REV3L: variants seen among roughly 807,000 people sequenced by gnomAD.
REV3L encodes the protein REV3 like, DNA directed polymerase zeta catalytic subunit, also known as DNA polymerase zeta catalytic subunit.
Under a neutral mutation model 299.4 loss-of-function variants are expected in REV3L, and 69 were observed. The ratio of observed to expected loss-of-function variants is 0.23; its 90% CI spans 0.19 to 0.28. The LOEUF (loss-of-function observed/expected upper bound fraction) is 0.28. Ranked by LOEUF, REV3L falls within the 10% of genes least tolerant of loss-of-function variation. REV3L has a pLI of 1.00. For synonymous variants in REV3L, 1,238 were observed against 1,271.4 expected (o/e 0.97, Z 0.56); for missense variants, 3,128 against 3,693.8 (o/e 0.85, Z 3.97).
chr6:111,368,061 T>C, intron 13 of REV3L, 33 bp from the exon 14 acceptor site: 1 of 1,523,892 alleles, frequency 6.6e-7, no homozygotes, highest in Non-Finnish European at 8.8e-7. Flanking sequence ...AACTGTTTTG[T>C]TTCAAAGAGC....
intron 24 of REV3L, among the ~76,000 whole-genome samples, chr6:111,330,055 A>C (rs1249841122): frequency 6.6e-6 from 1 of 152,204 alleles, no homozygotes; most frequent in African/African-American, 2.4e-5. Context: ...ATTTTGTTCG[A>C]AACTTTGACA....
At chr6:111,474,215 G>T (rs935934681) in intron 1 of REV3L, among the ~76,000 whole-genome samples, 5 of 152,114 alleles carry the variant, frequency 3.3e-5, no homozygotes, top group Admixed American at 1.3e-4. Flanking sequence ...CTTTATTTCT[G>T]ACAAACATAC....
chr6:111,396,803 T>G (rs1414363058), intron 4 of REV3L, among the ~76,000 whole-genome samples: 1 of 152,130 alleles, frequency 6.6e-6, no homozygotes, highest in East Asian at 1.9e-4. Context: ...ATGCTAGGAT[T>G]GCAGGTGTGA....
At chr6:111,408,136 A>T (rs1403308168) in intron 3 of REV3L, among the ~76,000 whole-genome samples, 1 of 152,208 alleles carries the variant, frequency 6.6e-6, no homozygotes, top group Non-Finnish European at 1.5e-5. Context: ...CCTTGAAAAC[A>T]TCAAAGAAGA....
intron 1 of REV3L, among the ~76,000 whole-genome samples, chr6:111,477,699 A>G (rs1793103951): frequency 6.6e-6 from 1 of 152,244 alleles, no homozygotes; most frequent in Non-Finnish European, 1.5e-5. Context: ...ATGCCACCAT[A>G]TAAGACACAG....
chr6:111,367,791 A>G lies in REV3L; in HGVS notation c.5997T>C (p.Cys1999=). The change falls in exon 14 of 32, where the codon TGT becomes TGC. Residue 1999 remains cysteine (C), a synonymous_variant. Coordinates refer to ENST00000368802, the MANE Select transcript of REV3L (RefSeq NM_001372078.1). ...DKKIVIMPCK[C]APSRQLVQVW... ...CTTGAACCAGTTGTCGACTTGGGGCACATTTGCAAGGCATAATCACAATTT... is the reference window on the plus strand; with the variant it reads ...CTTGAACCAGTTGTCGACTTGGGGCGCATTTGCAAGGCATAATCACAATTT... 1 of 1,614,182 alleles carries G rather than the reference A, an allele frequency of 6.2e-7. No individual in the cohort carries two copies. Among genetic ancestry groups the G allele is most frequent in the South Asian group, 1.1e-5 (1 of 91,086 alleles).
chr6:111,476,077 T>C (rs1006841232), intron 1 of REV3L, among the ~76,000 whole-genome samples: 1 of 152,226 alleles, frequency 6.6e-6, no homozygotes, highest in Non-Finnish European at 1.5e-5. Flanking sequence ...TATTTGCACA[T>C]ACATGAGATA....
chr6:111,321,531 A>C (rs955684890), intron 26 of REV3L, among the ~76,000 whole-genome samples: 1 of 152,230 alleles, frequency 6.6e-6, no homozygotes, highest in African/African-American at 2.4e-5. Context: ...AGCCAAACTA[A>C]GAAGTGGCTT....
At chr6:111,395,800 A>G (rs1782439048) in intron 4 of REV3L, among the ~76,000 whole-genome samples, 1 of 152,166 alleles carries the variant, frequency 6.6e-6, no homozygotes, top group African/African-American at 2.4e-5. Flanking sequence ...GCTTTTCCCC[A>G]TTCAGTAAGA....
At position 111,376,129 on chromosome 6, in the gene REV3L, T is replaced by G. The variant is rs1223589881; in HGVS notation, c.2226A>C (p.Glu742Asp). The G allele has an allele frequency of 6.2e-7, 1 of 1,613,112 alleles. No homozygotes were observed. Among genetic ancestry groups the G allele is most frequent in the Non-Finnish European group, 8.5e-7 (1 of 1,179,936 alleles). Residue 742 changes from glutamate (E) to aspartate (D), a missense_variant, in exon 13 of 32, where the codon GAA (glutamate) becomes GAC (aspartate). By Grantham distance (45) the Glu-to-Asp change is conservative (BLOSUM62 2). This residue lies in a region of REV3L where 2,409 missense variants were observed against 2,611.8 expected (regional missense o/e 0.92). Transcript: ENST00000368802. ...LSSLFPSSFT[E>D]NCELLSCSGE... is the part of the protein sequence containing the mutation. ...CTGAGCATGACAGTAATTCACAATT[T>G]TCAGTAAATGATGAAGGGAATAAAC... is the stretch of plus-strand genomic sequence containing the variant.
In REV3L at chr6:111,308,297, A is replaced by G. The variant is rs375280137; in HGVS notation, c.9043-727T>C. On this transcript the variant is annotated intron_variant, in intron 30 of 31. Transcript: ENST00000368802. ...CTCTTACAAATGTCATTGGGTTAAC[A>G]TTCTTGCCGATGATGAAATGAACAT... 3 of 452,096 alleles carry G rather than the reference A, an allele frequency of 6.6e-6. No homozygotes were observed. In the East Asian group the frequency reaches 2.1e-4, roughly 32 times the overall value. 28.0% of individuals were successfully genotyped at this position (452,096 alleles called of 1,614,324 possible). A position where few individuals can be genotyped will look rare whatever the true frequency, so the allele number is the denominator to read the frequency against.
upstream of REV3L, chr6:111,483,333 G>A (rs994906012): frequency 2.1e-6 from 1 of 479,086 alleles, no homozygotes. Context: ...GCGCCCGGGC[G>A]GGACACGGAG....
chr6:111,329,477 G>A (rs866678960), intron 25 of REV3L, 55 bp downstream of exon 25: 26 of 1,527,526 alleles, frequency 1.7e-5, no homozygotes, highest in Middle Eastern at 3.4e-4. Flanking sequence ...GAGTGCCACC[G>A]TGCCTCACTG....
At chr6:111,416,508 A>G in intron 1 of REV3L, 36 bp from the exon 2 acceptor site, 1 of 1,482,202 alleles carries the variant, frequency 6.7e-7, no homozygotes, top group South Asian at 1.2e-5. Context: ...TAGTTTCCAG[A>G]CACAGTTTAA....
rs148159662 is a variant in REV3L, at chr6:111,373,713, G to C, written c.4642C>G (p.Gln1548Glu). 3.1e-6 allele frequency: 5 copies of C among 1,613,908 alleles called. No individual in the cohort carries two copies. The East Asian group carries it at 1.1e-4, about 36-fold the overall frequency. The change falls in exon 13 of 32, where the codon CAA becomes GAA. Residue 1548 changes from glutamine to glutamate, a missense_variant. Coordinates refer to ENST00000368802, the MANE Select transcript of REV3L (RefSeq NM_001372078.1). ...QQKAQNANTT[Q>E]DPLSNKHQPN... ...TGATGTTTATTGGATAATGGGTCTT[G>C]TGTAGTATTTGCATTTTGTGCTTTC...
chr6:111,414,917 T>A (rs1479951499), intron 2 of REV3L, among the ~76,000 whole-genome samples: 4 of 152,176 alleles, frequency 2.6e-5, no homozygotes, highest in African/African-American at 7.2e-5. Flanking sequence ...TAATTTTAAT[T>A]CCTTGGTCTT....
At chr6:111,327,549 G>A (rs943589862) in intron 25 of REV3L, among the ~76,000 whole-genome samples, 6 of 127,896 alleles carry the variant, frequency 4.7e-5, no homozygotes, top group African/African-American at 1.3e-4. Flanking sequence ...GCAAGACGCT[G>A]TTTCAAAAAA....
intron 31 of REV3L, among the ~76,000 whole-genome samples, chr6:111,301,041 A>G (rs1471901862): frequency 8.5e-5 from 13 of 152,198 alleles, no homozygotes; most frequent in Admixed American, 8.5e-4. Flanking sequence ...AGCAAGGAAT[A>G]ACCCCGGGAA....
intron 1 of REV3L, among the ~76,000 whole-genome samples, chr6:111,425,853 T>TA (rs535956723): frequency 2.5e-4 from 38 of 151,920 alleles, no homozygotes; most frequent in South Asian, 2.5e-3. Flanking sequence ...AGAGAAATTA[T>TA]AAAAAAAGAA....
Sources: gnomAD v4.1 joint callset for allele counts (sites outside exome capture counted in the v4.1 genomes callset) on GRCh38, gnomAD v4.1.1 for gene constraint, gnomAD v4.1.1 regional missense constraint, MANE v1.5 for transcripts, NCBI Gene and HGNC (gene_info 2026-07-23, HGNC 2026-07-21) for gene names.